The following DENND1A variants were observed in gnomAD, a reference collection of about 807,000 sequenced individuals.
DENND1A encodes DENN domain containing 1A.
Under a neutral mutation model 113.7 loss-of-function variants are expected in DENND1A, and 51 were observed. The ratio of observed to expected loss-of-function variants is 0.45; its 90% CI spans 0.36 to 0.57. The LOEUF (loss-of-function observed/expected upper bound fraction) is 0.57, where lower values mean the gene tolerates loss of function less well. DENND1A is among the 20% of genes least tolerant of loss of function. The pLI is 0.00. For synonymous variants in DENND1A, 565 were observed against 570.8 expected, an observed-to-expected ratio of 0.99 and a Z score of 0.14; for missense variants, 1,258 against 1,395.9, an observed-to-expected ratio of 0.90 and a Z score of 1.57.
At chr9:123,790,034 A>G (rs992163068) in intron 3 of DENND1A, among the ~76,000 whole-genome samples, 2 of 151,942 alleles carry the variant, frequency 1.3e-5, no homozygotes, top group African/African-American at 4.8e-5. Flanking sequence ...TAAGTGCTAT[A>G]CTTTGTGGTG....
In DENND1A at chr9:123,796,756, T is replaced by TACACACACACACAC. The variant is rs370185315; in HGVS notation, c.89-4140_89-4127dup. Among the ~76,000 whole-genome samples, 967 of 141,574 alleles carry TACACACACACACAC rather than the reference T, an allele frequency of 6.8e-3. 13 individuals carry two copies. Among genetic ancestry groups the TACACACACACACAC allele is most frequent in the African/African-American group, 0.017 (654 of 38,634 alleles). 92.9% of individuals were successfully genotyped at this position (141,574 alleles called of 152,430 possible). ...TACATTGGTAACTCCTATGTGTACA[T>TACACACACACACAC]ACACACACACACACACACACACACA... On this transcript the variant is annotated intron_variant, in intron 2 of 23. Transcript: ENST00000394215.
chr9:123,502,248 T>C (rs995269584), intron 13 of DENND1A, among the ~76,000 whole-genome samples: 39 of 150,122 alleles, frequency 2.6e-4, no homozygotes, highest in African/African-American at 9.0e-4. Flanking sequence ...AGGCTCCATA[T>C]ATCTATATCT....
chr9:123,810,115 C>A (rs73666293), intron 2 of DENND1A, among the ~76,000 whole-genome samples: 11,046 of 152,172 alleles, frequency 0.073, 803 homozygotes, highest in African/African-American at 0.19. Flanking sequence ...TTTTGAGGAC[C>A]AGTAAAACCT....
Position 123,539,992 on chromosome 9 carries a change from G to T in DENND1A, c.993+17578C>A, listed in dbSNP as rs995769101. 2.2e-4 allele frequency among the ~76,000 whole-genome samples: 33 copies of T among 152,064 alleles called. 1 individual carries two copies. The highest frequency in any genetic ancestry group is 4.4e-5 in the Non-Finnish European group (3 of 68,022). On this transcript the variant is annotated intron_variant, in intron 13 of 23. Transcript: ENST00000394215. ...AGGTATAGCGGTACCTACCTAGTGG[G>T]AAATACACTATAAAGATTGAATGCC...
intron 1 of DENND1A, among the ~76,000 whole-genome samples, chr9:123,925,086 C>G (rs1437844945): frequency 2.0e-5 from 3 of 152,130 alleles, no homozygotes; most frequent in Non-Finnish European, 4.4e-5. Flanking sequence ...GTGAATTCAC[C>G]TGGTTTTTTT....
chr9:123,738,737 G>C (rs2068762385), intron 5 of DENND1A, among the ~76,000 whole-genome samples: 1 of 152,148 alleles, frequency 6.6e-6, no homozygotes, highest in Non-Finnish European at 1.5e-5. Flanking sequence ...ACTTGAACTG[G>C]ACCTGTCTAC....
intron 5 of DENND1A, among the ~76,000 whole-genome samples, chr9:123,744,310 T>A (rs756248897): frequency 3.9e-5 from 6 of 152,206 alleles, no homozygotes; most frequent in Admixed American, 6.5e-5. Context: ...TACTGGATAT[T>A]TTCCATGTCA....
chr9:123,630,685 C>G (rs1360653327), intron 9 of DENND1A, among the ~76,000 whole-genome samples: 1 of 151,928 alleles, frequency 6.6e-6, no homozygotes, highest in Non-Finnish European at 1.5e-5. Context: ...GATGATAAAG[C>G]TAATATACGA....
intron 3 of DENND1A, among the ~76,000 whole-genome samples, chr9:123,789,746 C>T (rs1235233356): frequency 1.3e-5 from 2 of 152,122 alleles, no homozygotes; most frequent in African/African-American, 4.8e-5. Context: ...AAAGGCTGGT[C>T]ATCATTATTC....
rs149649833 is a variant in DENND1A, at chr9:123,426,308, G to A, written c.1488+14052C>T. Reference sequence around the variant, plus strand: ...ACCCATTGTGCCTCACAGACCAGTCGAGGAGAGAGACACAGGACCCCAGGG... The same window carrying A: ...ACCCATTGTGCCTCACAGACCAGTCAAGGAGAGAGACACAGGACCCCAGGG... On this transcript the variant is annotated intron_variant, in intron 19 of 23. Coordinates refer to ENST00000394215, the MANE Select transcript of DENND1A (RefSeq NM_001352964.2). Among the ~76,000 whole-genome samples the A allele has an allele frequency of 7.6e-3, 1,152 of 152,308 alleles. 11 individuals carry two copies. Among genetic ancestry groups the A allele is most frequent in the African/African-American group, 0.026 (1,067 of 41,546 alleles).
chr9:123,470,432 A>G (rs1417694366), intron 13 of DENND1A, among the ~76,000 whole-genome samples: 1 of 152,146 alleles, frequency 6.6e-6, no homozygotes, highest in African/African-American at 2.4e-5. Flanking sequence ...ACTTGCATCC[A>G]AAGTCCCAAG....
chr9:123,606,463 C>G (rs989874829), intron 11 of DENND1A, among the ~76,000 whole-genome samples: 2 of 152,126 alleles, frequency 1.3e-5, no homozygotes, highest in African/African-American at 4.8e-5. Context: ...AGACCTGCAC[C>G]CATTCATGTA....
chr9:123,479,782 G>A (rs1308897976), intron 13 of DENND1A, among the ~76,000 whole-genome samples: 3 of 152,216 alleles, frequency 2.0e-5, no homozygotes, highest in Non-Finnish European at 4.4e-5. Context: ...AGGATCAAAC[G>A]AATCTTCCAC....
rs568826248 is a variant in DENND1A, at chr9:123,615,535, C to T, written c.720-6054G>A. On this transcript the variant is annotated intron_variant, in intron 10 of 23. Coordinates refer to ENST00000394215, the MANE Select transcript of DENND1A (RefSeq NM_001352964.2). ...TCCTCCCCTGCTACCTTTTCCATCA[C>T]AGGAAGCTTCTGGTCCCTGAAGTGC... Among the ~76,000 whole-genome samples, 3 of 152,340 alleles carry T rather than the reference C, an allele frequency of 2.0e-5. No individual in the cohort carries two copies. In the East Asian group the frequency reaches 5.8e-4, roughly 29 times the overall value.
intron 13 of DENND1A, among the ~76,000 whole-genome samples, chr9:123,488,835 C>G (rs1197160920): frequency 6.6e-6 from 1 of 152,142 alleles, no homozygotes; most frequent in African/African-American, 2.4e-5. Context: ...GGCACCTTTG[C>G]GTGGTGCCTG....
intron 9 of DENND1A, among the ~76,000 whole-genome samples, chr9:123,651,756 A>G (rs891458612): frequency 1.3e-5 from 2 of 152,272 alleles, no homozygotes; most frequent in Non-Finnish European, 2.9e-5. Context: ...ATTGAAGCTC[A>G]TGTAGAAACC....
intron 2 of DENND1A, among the ~76,000 whole-genome samples, chr9:123,864,086 A>G (rs1347458401): frequency 6.6e-6 from 1 of 152,170 alleles, no homozygotes; most frequent in Admixed American, 6.5e-5. Flanking sequence ...TTTTGTGCCA[A>G]GAAGCTAAAA....
intron 6 of DENND1A, among the ~76,000 whole-genome samples, chr9:123,674,577 T>G (rs190705761): frequency 1.9e-4 from 29 of 152,314 alleles, no homozygotes; most frequent in African/African-American, 6.7e-4. Context: ...ATCTGTGTCA[T>G]AATTCTTTTA....
intron 13 of DENND1A, among the ~76,000 whole-genome samples, chr9:123,505,275 A>T (rs1019757640): frequency 6.6e-6 from 1 of 152,264 alleles, no homozygotes; most frequent in Non-Finnish European, 1.5e-5. Flanking sequence ...TACAGAATCC[A>T]TGCTACTTAC....
Sources: allele counts gnomAD v4.1 joint callset (sites outside exome capture counted in the v4.1 genomes callset), GRCh38; gene constraint gnomAD v4.1.1; transcripts MANE v1.5; gene names NCBI Gene and HGNC (gene_info 2026-07-23, HGNC 2026-07-21).